CORO2A: variants seen among roughly 807,000 people sequenced by gnomAD.
CORO2A encodes coronin-2A.
A neutral mutation model predicts 62.4 loss-of-function variants in CORO2A; 47 were observed. The ratio of observed to expected loss-of-function variants is 0.75; its 90% confidence interval spans 0.60 to 0.96. The LOEUF is 0.96. Among genes scored for constraint, CORO2A ranks in the 40% least tolerant of loss-of-function variants. CORO2A has a pLI of 0.00. For synonymous variants in CORO2A, 273 were observed against 268.9 expected (o/e 1.02, Z -0.15); for missense variants, 610 against 684.1 (o/e 0.89, Z 1.21).
intron 2 of CORO2A, among the ~76,000 whole-genome samples, chr9:98,142,163 G>C (rs1827577198): frequency 6.6e-6 from 1 of 152,222 alleles, no homozygotes; most frequent in South Asian, 2.1e-4. Context: ...GGGCTCTAGA[G>C]ACCAGGAATG....
At position 98,126,765 on chromosome 9, in the gene CORO2A, A is replaced by G. The variant is rs766214882; in HGVS notation, c.1230T>C (p.Pro410=). Residue 410 remains proline, a synonymous_variant, in exon 11 of 12, where the codon CCT becomes CCC. Transcript: ENST00000375077. The part of the protein sequence containing the change: ...GSELLRPHPL[P]AERPIFNSMA... ...TGGAATTGAAGATAGGTCTCTCTGC[A>G]GGCAGTGGGTGGGGTCTCAGCAGCT... The G allele has an allele frequency of 3.7e-6, 6 of 1,614,206 alleles. No homozygotes were observed. Among genetic ancestry groups the G allele is most frequent in the African/African-American group, 1.3e-5 (1 of 75,060 alleles).
chr9:98,139,062 AG>A (rs1188580135), intron 2 of CORO2A, among the ~76,000 whole-genome samples: 1 of 147,220 alleles, frequency 6.8e-6, no homozygotes, highest in Non-Finnish European at 1.5e-5. Context: ...AAAAAAAAAA[AG>A]AAAGAAAAAT....
At chr9:98,126,047 T>C (rs898079117) in intron 11 of CORO2A, among the ~76,000 whole-genome samples, 1 of 146,572 alleles carries the variant, frequency 6.8e-6, no homozygotes, top group African/African-American at 2.5e-5. Flanking sequence ...TTTTTTTTTT[T>C]TTTTTTAAGA....
chr9:98,182,494 T>G (rs1371482150), intron 1 of CORO2A, among the ~76,000 whole-genome samples: 1 of 152,194 alleles, frequency 6.6e-6, no homozygotes, highest in Non-Finnish European at 1.5e-5. Flanking sequence ...AGTACCAGGC[T>G]TTTAATGACC....
intron 2 of CORO2A, 141 bp downstream of exon 2, chr9:98,157,319 C>T (rs1283286647): frequency 1.3e-6 from 1 of 764,218 alleles, no homozygotes; most frequent in Admixed American, 3.0e-5. Context: ...AACCAAGGCT[C>T]AAAGAGATGA....
chr9:98,151,071 G>T (rs1200242778), intron 2 of CORO2A, among the ~76,000 whole-genome samples: 8 of 152,120 alleles, frequency 5.3e-5, no homozygotes, highest in Non-Finnish European at 1.2e-4. Context: ...GCCTTTGCTT[G>T]TGCCCTTCCC....
At position 98,132,316 on chromosome 9, in the gene CORO2A, G is replaced by A. The variant is rs747652030; in HGVS notation, c.649-15C>T. ...TAGCTGGCCTCCTGGAGGGACACGT[G>A]CGGTCGGTATTGGAGAGACAGTAGA... On this transcript the variant is annotated splice_polypyrimidine_tract_variant and intron_variant, in intron 5 of 11. Transcript: ENST00000375077. 6.2e-7 allele frequency: 1 copy of A among 1,606,878 alleles called. No individual in the cohort carries two copies. The highest frequency in any genetic ancestry group is 8.5e-7 in the Non-Finnish European group (1 of 1,173,852).
intron 2 of CORO2A, among the ~76,000 whole-genome samples, chr9:98,143,110 G>A (rs1177337024): frequency 6.6e-6 from 1 of 152,142 alleles, no homozygotes; most frequent in Non-Finnish European, 1.5e-5. Context: ...GGGGAGACAC[G>A]CCTGCTCCCC....
chr9:98,172,037 G>T (rs956330723), intron 1 of CORO2A, among the ~76,000 whole-genome samples: 2 of 152,074 alleles, frequency 1.3e-5, no homozygotes, highest in African/African-American at 4.8e-5. Flanking sequence ...GCTCCAGTGG[G>T]CTGGAGGGGT....
intron 1 of CORO2A, among the ~76,000 whole-genome samples, chr9:98,190,010 G>A (rs1323026922): frequency 2.6e-5 from 4 of 151,966 alleles, no homozygotes; most frequent in Non-Finnish European, 4.4e-5. Flanking sequence ...TCAGCCTCCC[G>A]AGTAGCTGGG....
Position 98,131,952 on chromosome 9 carries a change from C to T in CORO2A, c.765+233G>A, listed in dbSNP as rs1051256221. Among the ~76,000 whole-genome samples the T allele has an allele frequency of 2.8e-4, 43 of 152,162 alleles. 1 individual carries two copies. Among genetic ancestry groups the T allele is most frequent in the African/African-American group, 9.2e-4 (38 of 41,432 alleles). On this transcript the variant is annotated intron_variant, in intron 6 of 11. Coordinates refer to ENST00000375077, the MANE Select transcript of CORO2A (RefSeq NM_052820.4). ...CAGCTACCTCCCCTCCTCTAGCCAA[C>T]GGACTCCCCTGGGTCCTGACCCATC...
chr9:98,134,706 G>A (rs577620719), intron 4 of CORO2A, 100 bp downstream of exon 4: 18 of 1,369,906 alleles, frequency 1.3e-5, no homozygotes, highest in African/African-American at 4.4e-5. Flanking sequence ...CTTGATTTTC[G>A]ATTTCTGGTC....
chr9:98,164,666 T>C (rs904791435), intron 1 of CORO2A, among the ~76,000 whole-genome samples: 2 of 152,142 alleles, frequency 1.3e-5, no homozygotes, highest in African/African-American at 4.8e-5. Flanking sequence ...TGGCACGAGG[T>C]GTCTTAACTT....
chr9:98,189,649 G>C (rs1828280531), intron 1 of CORO2A, among the ~76,000 whole-genome samples: 2 of 152,188 alleles, frequency 1.3e-5, no homozygotes, highest in Non-Finnish European at 2.9e-5. Context: ...GAGGTCCAGA[G>C]AGGGGAACGG....
chr9:98,134,698 T>C (rs960618432), intron 4 of CORO2A, 108 bp downstream of exon 4: 2 of 1,331,630 alleles, frequency 1.5e-6, no homozygotes, highest in African/African-American at 3.0e-5. Flanking sequence ...CCCAACACCT[T>C]GATTTTCGAT....
intron 1 of CORO2A, among the ~76,000 whole-genome samples, chr9:98,174,592 G>A (rs1186599722): frequency 6.6e-6 from 1 of 152,134 alleles, no homozygotes; most frequent in Non-Finnish European, 1.5e-5. Flanking sequence ...CCTGGTGAGA[G>A]GTGATTGGAT....
At chr9:98,162,300 G>A (rs1332457023) in intron 1 of CORO2A, among the ~76,000 whole-genome samples, 1 of 152,098 alleles carries the variant, frequency 6.6e-6, no homozygotes, top group Non-Finnish European at 1.5e-5. Context: ...TCCCTAAGAG[G>A]AACTGTCATG....
intron 2 of CORO2A, among the ~76,000 whole-genome samples, chr9:98,152,134 T>TTTTTG (rs1554744736): frequency 4.6e-5 from 7 of 151,080 alleles, no homozygotes; most frequent in African/African-American, 1.7e-4. Context: ...CTGTTTTTTT[T>TTTTTG]TTTTGTTTTT....
chr9:98,188,002 G>A (rs1335129625), intron 1 of CORO2A, among the ~76,000 whole-genome samples: 1 of 152,182 alleles, frequency 6.6e-6, no homozygotes, highest in Non-Finnish European at 1.5e-5. Context: ...ACACTCGCAG[G>A]ATTCCATTAT....
Sources: allele counts gnomAD v4.1 joint callset (sites outside exome capture counted in the v4.1 genomes callset), GRCh38; gene constraint gnomAD v4.1.1; transcripts MANE v1.5; gene names NCBI Gene and HGNC (gene_info 2026-07-23, HGNC 2026-07-21).